DOCK4: variants seen among roughly 807,000 people sequenced by gnomAD.
The protein encoded by DOCK4 is dedicator of cytokinesis protein 4.
In DOCK4, 97 loss-of-function variants were observed where a neutral mutation model predicts 268.1. The ratio of observed to expected loss-of-function variants is 0.36; its 90% CI spans 0.31 to 0.43. The LOEUF is 0.43. Ranked by LOEUF, DOCK4 falls within the 20% of genes least tolerant of loss-of-function variation. The pLI is 1.00. For missense variants in DOCK4, 2,145 were observed against 2,455.7 expected (o/e 0.87, Z 2.67); for synonymous variants, 954 against 887.2 (o/e 1.08, Z -1.34).
intron 42 of DOCK4, among the ~76,000 whole-genome samples, chr7:111,753,233 G>A (rs1409323790): frequency 6.6e-6 from 1 of 152,148 alleles, no homozygotes; most frequent in Non-Finnish European, 1.5e-5. Context: ...CCAGCACTTT[G>A]GGAGACAAAG....
At chr7:111,840,830 G>A (rs576674121) in intron 25 of DOCK4, 1 of 1,350,686 alleles carries the variant, frequency 7.4e-7, no homozygotes, top group East Asian at 4.6e-5. Context: ...GCTCAATGTA[G>A]TACTGCCATG....
intron 8 of DOCK4, among the ~76,000 whole-genome samples, chr7:111,970,757 G>C (rs542469721): frequency 4.6e-5 from 7 of 152,164 alleles, no homozygotes; most frequent in South Asian, 2.1e-4. Flanking sequence ...CGCTGGGCTG[G>C]TGATGTGACA....
chr7:112,152,003 T>C (rs922361006), intron 1 of DOCK4, among the ~76,000 whole-genome samples: 1 of 150,008 alleles, frequency 6.7e-6, no homozygotes, highest in South Asian at 2.1e-4. Flanking sequence ...TTGAAGCTAA[T>C]ATGCAATAAC....
At chr7:112,034,250 A>T (rs1489041259) in intron 1 of DOCK4, among the ~76,000 whole-genome samples, 1 of 152,228 alleles carries the variant, frequency 6.6e-6, no homozygotes, top group African/African-American at 2.4e-5. Context: ...AAAAATTTTT[A>T]AATATCTTTT....
chr7:112,045,066 C>A (rs1306832904), intron 1 of DOCK4, among the ~76,000 whole-genome samples: 1 of 152,154 alleles, frequency 6.6e-6, no homozygotes, highest in Non-Finnish European at 1.5e-5. Context: ...GATCTGGTTC[C>A]TCAGTCCAGC....
At chr7:112,000,740 CTG>C (rs1299157550) in intron 2 of DOCK4, among the ~76,000 whole-genome samples, 9 of 152,098 alleles carry the variant, frequency 5.9e-5, no homozygotes, top group Admixed American at 5.9e-4. Context: ...TTTTAAAAAA[CTG>C]TATCAAAAAT....
chr7:112,118,001 A>G (rs1015344350), intron 1 of DOCK4, among the ~76,000 whole-genome samples: 1 of 152,112 alleles, frequency 6.6e-6, no homozygotes, highest in Admixed American at 6.5e-5. Flanking sequence ...CTCCTCCTCC[A>G]GAGCCAGGAA....
chr7:111,972,823 T>C (rs1797828542), intron 8 of DOCK4, among the ~76,000 whole-genome samples: 2 of 149,182 alleles, frequency 1.3e-5, no homozygotes, highest in Admixed American at 1.3e-4. Context: ...CTATCTTTAA[T>C]TTTTTTTTTA....
At chr7:111,832,732 T>C (rs532880033) in intron 26 of DOCK4, among the ~76,000 whole-genome samples, 1 of 152,150 alleles carries the variant, frequency 6.6e-6, no homozygotes, top group Non-Finnish European at 1.5e-5. Context: ...TTTGCTATGT[T>C]GGCCAAGCTG....
intron 13 of DOCK4, among the ~76,000 whole-genome samples, chr7:111,902,662 G>C (rs891759093): frequency 6.6e-6 from 1 of 151,498 alleles, no homozygotes; most frequent in Non-Finnish European, 1.5e-5. Context: ...CAACTAGAAA[G>C]TTTTTAAAGG....
At chr7:111,797,464 C>T (rs1563518791) in intron 30 of DOCK4, among the ~76,000 whole-genome samples, 1 of 152,170 alleles carries the variant, frequency 6.6e-6, no homozygotes, top group Non-Finnish European at 1.5e-5. Context: ...TGTTATACTG[C>T]TCCTAAACCA....
intron 1 of DOCK4, among the ~76,000 whole-genome samples, chr7:112,163,065 G>C (rs1400651220): frequency 6.6e-6 from 1 of 152,064 alleles, no homozygotes; most frequent in Non-Finnish European, 1.5e-5. Context: ...CTTTTAGGTG[G>C]GTTTTTCCTA....
chr7:111,950,520 T>C (rs1795973032), intron 8 of DOCK4, among the ~76,000 whole-genome samples: 1 of 152,248 alleles, frequency 6.6e-6, no homozygotes, highest in Non-Finnish European at 1.5e-5. Flanking sequence ...CCATGAGTAT[T>C]AACCTTTTTG....
chr7:112,042,687 T>C (rs1804495786), intron 1 of DOCK4, among the ~76,000 whole-genome samples: 1 of 152,210 alleles, frequency 6.6e-6, no homozygotes, highest in South Asian at 2.1e-4. Context: ...GTTAACACAC[T>C]TGATTTACTT....
At chr7:112,041,903 C>T (rs1458715324) in intron 1 of DOCK4, among the ~76,000 whole-genome samples, 1 of 152,102 alleles carries the variant, frequency 6.6e-6, no homozygotes, top group Non-Finnish European at 1.5e-5. Context: ...CAAGCTGTAC[C>T]CCACTGGAAT....
rs867981805 is a variant in DOCK4, at chr7:111,822,311, C to T, written c.2930+51G>A. The T allele has an allele frequency of 2.8e-5, 41 of 1,471,582 alleles. No homozygotes were observed. In the Middle Eastern group the frequency reaches 1.0e-3, roughly 37 times the overall value. 91.2% of individuals were successfully genotyped at this position (1,471,582 alleles called of 1,614,324 possible). A position where few individuals can be genotyped will look rare whatever the true frequency, so the allele number is the denominator to read the frequency against. ...AATGAAAAAGATAATTTTGTACTCC[C>T]TTCTTCCTCTATACATTGAGCTGCA... On this transcript the variant is annotated intron_variant, in intron 27 of 52. Coordinates refer to ENST00000428084, the MANE Select transcript of DOCK4 (RefSeq NM_001363540.2).
At chr7:111,985,145 T>C (rs528782176) in intron 6 of DOCK4, among the ~76,000 whole-genome samples, 1 of 152,240 alleles carries the variant, frequency 6.6e-6, no homozygotes, top group African/African-American at 2.4e-5. Context: ...TCTGGTTAGC[T>C]TCCCTCTAGC....
intron 1 of DOCK4, among the ~76,000 whole-genome samples, chr7:112,037,549 C>T (rs534707815): frequency 6.6e-6 from 1 of 152,170 alleles, no homozygotes; most frequent in Non-Finnish European, 1.5e-5. Context: ...CGGACTCATA[C>T]AAGAGATACT....
intron 1 of DOCK4, among the ~76,000 whole-genome samples, chr7:112,182,016 T>C (rs1819093594): frequency 6.6e-6 from 1 of 152,338 alleles, no homozygotes; most frequent in Admixed American, 6.5e-5. Flanking sequence ...TAGCAAATGC[T>C]GTCAAGTATA....
Sources: allele counts gnomAD v4.1 joint callset (sites outside exome capture counted in the v4.1 genomes callset), GRCh38; gene constraint gnomAD v4.1.1; transcripts MANE v1.5; gene names NCBI Gene and HGNC (gene_info 2026-07-23, HGNC 2026-07-21).